SORCS1: variants seen among roughly 807,000 people sequenced by gnomAD.
SORCS1 encodes the protein VPS10 domain-containing receptor SorCS1.
A neutral mutation model predicts 146.1 loss-of-function variants in SORCS1; 60 were observed. The observed-to-expected ratio is 0.41, with a 90% CI of 0.33 to 0.51. The LOEUF is 0.51. Among genes scored for constraint, SORCS1 ranks in the 20% least tolerant of loss-of-function variants. SORCS1 has a pLI of 0.21. For missense variants in SORCS1, 1,352 were observed against 1,487.6 expected (o/e 0.91, Z 1.50); for synonymous variants, 637 against 584.0 (o/e 1.09, Z -1.31).
At chr10:107,085,677 A>G (rs1477977581) in intron 1 of SORCS1, among the ~76,000 whole-genome samples, 1 of 152,200 alleles carries the variant, frequency 6.6e-6, no homozygotes, top group Non-Finnish European at 1.5e-5. Context: ...CAGCTCAGAA[A>G]ATACAGAAGT....
At chr10:107,097,442 T>C (rs1017569933) in intron 1 of SORCS1, among the ~76,000 whole-genome samples, 4 of 152,180 alleles carry the variant, frequency 2.6e-5, no homozygotes, top group African/African-American at 7.2e-5. Flanking sequence ...CTGTGTGTCA[T>C]AGGATGGCAG....
At chr10:106,716,361 G>C (rs1015741075) in intron 6 of SORCS1, among the ~76,000 whole-genome samples, 1 of 152,148 alleles carries the variant, frequency 6.6e-6, no homozygotes, top group African/African-American at 2.4e-5. Context: ...ACCAAGCTCA[G>C]TTTTAGACTA....
At chr10:106,807,094 C>T (rs1947226729) in intron 3 of SORCS1, among the ~76,000 whole-genome samples, 1 of 152,112 alleles carries the variant, frequency 6.6e-6, no homozygotes, top group Non-Finnish European at 1.5e-5. Flanking sequence ...CTTTAGATTA[C>T]TTCTCTAAAT....
chr10:106,630,493 TAG>T (rs1306465477), intron 18 of SORCS1, among the ~76,000 whole-genome samples: 30 of 152,158 alleles, frequency 2.0e-4, no homozygotes, highest in Non-Finnish European at 3.5e-4. Context: ...TCATTCATTA[TAG>T]AGAGAATATA....
intron 5 of SORCS1, among the ~76,000 whole-genome samples, chr10:106,738,913 C>T (rs1331052040): frequency 6.6e-6 from 1 of 152,116 alleles, no homozygotes; most frequent in African/African-American, 2.4e-5. Flanking sequence ...GTCTTGAACT[C>T]CTGGACTCAA....
chr10:106,807,337 T>G (rs1397586046), intron 3 of SORCS1, among the ~76,000 whole-genome samples: 5 of 152,194 alleles, frequency 3.3e-5, no homozygotes, highest in Admixed American at 2.6e-4. Flanking sequence ...TTTTTGAAAC[T>G]TGAAACTTCT....
chr10:106,666,379 G>C (rs1275021618), intron 17 of SORCS1, among the ~76,000 whole-genome samples: 1 of 152,164 alleles, frequency 6.6e-6, no homozygotes, highest in African/African-American at 2.4e-5. Context: ...TCTCAGGTCT[G>C]CTGGCCTTTG....
chr10:107,112,460 C>T lies in SORCS1; in HGVS notation c.558+51509G>A, dbSNP rs545534035. Among the ~76,000 whole-genome samples, 4 of 151,574 alleles carry T rather than the reference C, an allele frequency of 2.6e-5. No homozygotes were observed. The South Asian group carries it at 8.3e-4, about 32-fold the overall frequency. Reference sequence around the variant, plus strand: ...AAATTCAACAAATCACAAAGGAAAACAGCAAGAGTGGAAGAAAGAAACAAA... The same window carrying T: ...AAATTCAACAAATCACAAAGGAAAATAGCAAGAGTGGAAGAAAGAAACAAA... On this transcript the variant is annotated intron_variant, in intron 1 of 25. Transcript: ENST00000263054.
intron 1 of SORCS1, among the ~76,000 whole-genome samples, chr10:107,160,647 C>T (rs1419927820): frequency 6.6e-6 from 1 of 152,172 alleles, no homozygotes; most frequent in Non-Finnish European, 1.5e-5. Context: ...GTTAACAAAT[C>T]TTGTAATACA....
At chr10:106,875,808 GACA>G (rs1415410354) in intron 2 of SORCS1, among the ~76,000 whole-genome samples, 1 of 151,834 alleles carries the variant, frequency 6.6e-6, no homozygotes, top group Non-Finnish European at 1.5e-5. Flanking sequence ...TATTATTTCT[GACA>G]ACATTTTTGA....
At chr10:106,953,559 T>C (rs1440914555) in intron 2 of SORCS1, among the ~76,000 whole-genome samples, 1 of 151,970 alleles carries the variant, frequency 6.6e-6, no homozygotes, top group Non-Finnish European at 1.5e-5. Flanking sequence ...CTTAATGAGG[T>C]GGATGAATTC....
intron 17 of SORCS1, among the ~76,000 whole-genome samples, chr10:106,660,845 G>A (rs1850673168): frequency 6.6e-6 from 1 of 151,858 alleles, no homozygotes; most frequent in South Asian, 2.1e-4. Context: ...GGAATTAATG[G>A]CCCCTATAAA....
intron 1 of SORCS1, among the ~76,000 whole-genome samples, chr10:106,957,349 A>C (rs1955011146): frequency 6.6e-6 from 1 of 151,368 alleles, no homozygotes; most frequent in Admixed American, 6.6e-5. Flanking sequence ...AATTTTTTGC[A>C]TTTTTAGAGA....
intron 1 of SORCS1, among the ~76,000 whole-genome samples, chr10:106,988,296 TC>T (rs2139432068): frequency 6.6e-6 from 1 of 152,346 alleles, no homozygotes; most frequent in African/African-American, 2.4e-5. Flanking sequence ...TGTTATTTTT[TC>T]AGATGTGTAA....
At chr10:107,058,858 A>G (rs1960895787) in intron 1 of SORCS1, among the ~76,000 whole-genome samples, 1 of 152,244 alleles carries the variant, frequency 6.6e-6, no homozygotes, top group Admixed American at 6.5e-5. Flanking sequence ...TTCAGGTAAT[A>G]CAATTTAAAG....
chr10:106,681,647 C>A lies in SORCS1; in HGVS notation c.1561-1913G>T, dbSNP rs572236909. Reference sequence around the variant, plus strand: ...ATTCCAAGAAGTAGACTACTGCTTGCGGATTATCCCTAGACATATGAGCTT... The same window carrying A: ...ATTCCAAGAAGTAGACTACTGCTTGAGGATTATCCCTAGACATATGAGCTT... On this transcript the variant is annotated intron_variant, in intron 10 of 25. Coordinates refer to ENST00000263054, the MANE Select transcript of SORCS1 (RefSeq NM_052918.5). 6.6e-5 allele frequency among the ~76,000 whole-genome samples: 10 copies of A among 152,182 alleles called. No individual in the cohort carries two copies. In the East Asian group the frequency reaches 9.7e-4, roughly 15 times the overall value.
At chr10:107,005,219 G>A (rs1957388010) in intron 1 of SORCS1, among the ~76,000 whole-genome samples, 1 of 152,054 alleles carries the variant, frequency 6.6e-6, no homozygotes, top group Non-Finnish European at 1.5e-5. Context: ...CAGCACTTTG[G>A]GAGGCTGGGG....
At position 107,164,485 on chromosome 10, in the gene SORCS1, C is replaced by A. The variant is rs951492994; in HGVS notation, c.42G>T (p.Leu14=). The stretch of plus-strand genomic sequence containing the variant: ...GCCCCGCGCCGGCGAGGAGCGCGCT[C>A]AGCCGGGCTTGGGAGCCGCCGCCGG... The part of the protein sequence containing the change: ...VGAGGGSQAR[L]SALLAGAGLL... The change falls in exon 1 of 26, where the codon CTG becomes CTT. Residue 14 remains leucine, a synonymous_variant. Transcript: ENST00000263054. The surrounding 1 kb of genome is among the most constrained non-coding windows in gnomAD (Gnocchi z 6.8). 7.3e-7 allele frequency: 1 copy of A among 1,362,514 alleles called. No individual in the cohort carries two copies. Among genetic ancestry groups the A allele is most frequent in the African/African-American group, 1.5e-5 (1 of 65,040 alleles). The allele number at this position is 1,362,514 out of a possible 1,614,324, so 84.4% of individuals were successfully genotyped here.
chr10:107,002,541 C>A (rs866506750), intron 1 of SORCS1, among the ~76,000 whole-genome samples: 3 of 152,262 alleles, frequency 2.0e-5, no homozygotes, highest in East Asian at 1.9e-4. Flanking sequence ...CTAATGAGTT[C>A]TCATTTCTAT....
Sources: gnomAD v4.1 joint callset for allele counts (sites outside exome capture counted in the v4.1 genomes callset) on GRCh38, gnomAD v4.1.1 for gene constraint, Gnocchi (gnomAD v3.1) non-coding constraint, MANE v1.5 for transcripts, NCBI Gene and HGNC (gene_info 2026-07-23, HGNC 2026-07-21) for gene names.